Variants in ANXA7 observed in about 807,000 individuals in gnomAD.
The protein encoded by ANXA7 is annexin VII.
Under a neutral mutation model 64.9 loss-of-function variants are expected in ANXA7, and 55 were observed. The ratio of observed to expected loss-of-function variants is 0.85; its 90% confidence interval spans 0.68 to 1.06. The LOEUF is 1.06. Ranked by LOEUF, ANXA7 falls within the 50% of genes least tolerant of loss-of-function variation. The pLI is 0.00. For synonymous variants in ANXA7, 200 were observed against 192.4 expected (o/e 1.04, Z -0.33); for missense variants, 548 against 582.1 (o/e 0.94, Z 0.60).
At chr10:73,411,221 T>C (rs1251310400) in intron 1 of ANXA7, among the ~76,000 whole-genome samples, 2 of 152,178 alleles carry the variant, frequency 1.3e-5, no homozygotes, top group East Asian at 3.8e-4. Flanking sequence ...ATGTTCTCAC[T>C]GTGTAAGTGG....
At chr10:73,408,762 T>C (rs1048031502) in intron 1 of ANXA7, among the ~76,000 whole-genome samples, 1 of 152,202 alleles carries the variant, frequency 6.6e-6, no homozygotes, top group Admixed American at 6.6e-5. Flanking sequence ...ATTATATATG[T>C]ACAAGGCTAT....
chr10:73,386,289 T>C (rs1202127664), intron 7 of ANXA7, among the ~76,000 whole-genome samples: 1 of 152,090 alleles, frequency 6.6e-6, no homozygotes, highest in Non-Finnish European at 1.5e-5. Flanking sequence ...TGGCATTTTT[T>C]AGCCATAGAA....
chr10:73,384,072 G>T (rs2055319203), intron 7 of ANXA7, among the ~76,000 whole-genome samples: 2 of 151,362 alleles, frequency 1.3e-5, no homozygotes, highest in Non-Finnish European at 2.9e-5. Flanking sequence ...AGTGAGCTGA[G>T]ATCGCACCAC....
At chr10:73,383,847 C>A (rs531178227) in intron 7 of ANXA7, among the ~76,000 whole-genome samples, 157 bp from the exon 8 acceptor site, 2 of 152,082 alleles carry the variant, frequency 1.3e-5, no homozygotes, top group African/African-American at 4.8e-5. Context: ...AAAGGCCAGG[C>A]GCGGTGGCTC....
chr10:73,377,972 T>G (rs1170821151), intron 12 of ANXA7, among the ~76,000 whole-genome samples: 2 of 151,496 alleles, frequency 1.3e-5, no homozygotes, highest in Non-Finnish European at 2.9e-5. Flanking sequence ...TTCACCATGT[T>G]GCCCAGGCTG....
intron 9 of ANXA7, chr10:73,381,495 G>A (rs977532263): frequency 1.3e-5 from 2 of 152,186 alleles, no homozygotes; most frequent in African/African-American, 4.8e-5. Context: ...CCTTGAAGCT[G>A]AAGAACTGTC....
chr10:73,411,641 A>G (rs2055840273), intron 1 of ANXA7, among the ~76,000 whole-genome samples: 1 of 152,160 alleles, frequency 6.6e-6, no homozygotes, highest in South Asian at 2.1e-4. Context: ...CATGTTGGCC[A>G]GGCTAGTCTC....
intron 3 of ANXA7, among the ~76,000 whole-genome samples, chr10:73,397,550 C>T (rs1417986055): frequency 9.2e-5 from 14 of 152,120 alleles, no homozygotes. Context: ...CTCTACCTAC[C>T]ACGTTCAAGT....
At chr10:73,381,883 C>T (rs1311636885) in intron 9 of ANXA7, among the ~76,000 whole-genome samples, 4 of 145,448 alleles carry the variant, frequency 2.8e-5, no homozygotes, top group African/African-American at 7.5e-5. Context: ...AGCTACCTCC[C>T]TTTTTTTTTT....
Position 73,398,281 on chromosome 10 carries a change from G to GC in ANXA7, c.158dup (p.Tyr54LeufsTer91). On this transcript the variant is annotated frameshift_variant, in exon 3 of 13. Transcript: ENST00000372921. LOFTEE classifies it high-confidence loss of function. ...CAGGGTAGCCTCCAGCTCCTGGGTA[G>GC]CCACTACTTGGCACTTGTGGGTAGG... 1 of 1,614,090 alleles carries GC rather than the reference G, an allele frequency of 6.2e-7. No individual in the cohort carries two copies. The highest frequency in any genetic ancestry group is 8.5e-7 in the Non-Finnish European group (1 of 1,180,016).
Position 73,375,828 on chromosome 10 carries a change from G to T in ANXA7, c.*267C>A. 1 of 234,124 alleles carries T rather than the reference G, an allele frequency of 4.3e-6. No individual in the cohort carries two copies. Among genetic ancestry groups the T allele is most frequent in the Non-Finnish European group, 8.2e-6 (1 of 122,200 alleles). The allele number at this position is 234,124 out of a possible 1,614,324, so 14.5% of individuals were successfully genotyped here. ...TTCAATTTGACATCTTGATTAGAATGAAACTAGTAAGAATGAAGGTTTACA... is the reference window on the plus strand; with the variant it reads ...TTCAATTTGACATCTTGATTAGAATTAAACTAGTAAGAATGAAGGTTTACA... On this transcript the variant is annotated 3_prime_UTR_variant, in exon 13 of 13. Transcript: ENST00000372921.
intron 5 of ANXA7, among the ~76,000 whole-genome samples, chr10:73,395,546 G>A (rs2055555596): frequency 6.6e-6 from 1 of 152,188 alleles, no homozygotes; most frequent in Middle Eastern, 3.2e-3. Flanking sequence ...CTCTTTGGGA[G>A]GCCGAGGCAG....
Position 73,390,725 on chromosome 10 carries a change from T to TATATATAA in ANXA7, c.436-2312_436-2311insTTATATAT, listed in dbSNP as rs1554816965. 3.3e-3 allele frequency among the ~76,000 whole-genome samples: 409 copies of TATATATAA among 124,584 alleles called. 3 individuals carry two copies. Among genetic ancestry groups the TATATATAA allele is most frequent in the African/African-American group, 0.013 (375 of 29,726 alleles). 81.7% of individuals were successfully genotyped at this position (124,584 alleles called of 152,430 possible). ...ATATATATATATATATATATAAAAA[T>TATATATAA]ATATATATACACACACACACATATA... On this transcript the variant is annotated intron_variant, in intron 5 of 12. Transcript: ENST00000372921.
At chr10:73,409,340 C>T (rs544541939) in intron 1 of ANXA7, among the ~76,000 whole-genome samples, 50 of 152,230 alleles carry the variant, frequency 3.3e-4, no homozygotes, top group African/African-American at 1.2e-3. Context: ...TCAATGTACA[C>T]AAATCAGTAG....
chr10:73,392,015 G>A lies in ANXA7; in HGVS notation c.436-3601C>T, dbSNP rs2132672762. Reference sequence around the variant, plus strand: ...AGACGCAATAAAAAATGATAAAGGGGATATCACCACCGATCCCACAGAGAT... The same window carrying A: ...AGACGCAATAAAAAATGATAAAGGGAATATCACCACCGATCCCACAGAGAT... On this transcript the variant is annotated intron_variant, in intron 5 of 12. Transcript: ENST00000372921. Among the ~76,000 whole-genome samples the A allele has an allele frequency of 2.6e-5, 4 of 152,132 alleles. No individual in the cohort carries two copies. In the South Asian group the frequency reaches 8.3e-4, roughly 32 times the overall value.
chr10:73,379,800 T>A (rs765153848), intron 11 of ANXA7, 79 bp downstream of exon 11: 1 of 1,376,652 alleles, frequency 7.3e-7, no homozygotes, highest in African/African-American at 1.4e-5. Context: ...GACTATATTA[T>A]CAACATTTAA....
chr10:73,390,733 T>C (rs57681088), intron 5 of ANXA7, among the ~76,000 whole-genome samples: 15,384 of 144,430 alleles, frequency 0.11, 1,241 homozygotes, highest in East Asian at 0.3. Context: ...AATATATATA[T>C]ACACACACAC....
Position 73,412,048 on chromosome 10 carries a change from CTT to C in ANXA7, c.-2+1962_-2+1963del, listed in dbSNP as rs558647387. On this transcript the variant is annotated intron_variant, in intron 1 of 12. Transcript: ENST00000372921. Reference sequence around the variant, plus strand: ...AGAAGACTATTTACCTTTCTTTTTTCTTTTTTTGAGATGGAGTCTCGCTCTGT... The same window carrying C: ...AGAAGACTATTTACCTTTCTTTTTTCTTTTTGAGATGGAGTCTCGCTCTGT... 3.4e-3 allele frequency among the ~76,000 whole-genome samples: 522 copies of C among 151,796 alleles called. 3 individuals carry two copies. The highest frequency in any genetic ancestry group is 0.012 in the African/African-American group (499 of 41,424).
At chr10:73,376,835 A>C (rs1433664113) in intron 12 of ANXA7, among the ~76,000 whole-genome samples, 2 of 152,218 alleles carry the variant, frequency 1.3e-5, no homozygotes, top group East Asian at 3.8e-4. Flanking sequence ...CTCAGTCTCA[A>C]AAGGAAGGAA....
Sources: allele counts gnomAD v4.1 joint callset (sites outside exome capture counted in the v4.1 genomes callset), GRCh38; gene constraint gnomAD v4.1.1; transcripts MANE v1.5; gene names NCBI Gene and HGNC (gene_info 2026-07-23, HGNC 2026-07-21).